The following PTPRG variants were observed in gnomAD, a reference collection of about 807,000 sequenced individuals.
PTPRG encodes the protein protein tyrosine phosphatase receptor type G.
Under a neutral mutation model 165.3 loss-of-function variants are expected in PTPRG, and 102 were observed. The ratio of observed to expected loss-of-function variants is 0.62; its 90% CI spans 0.53 to 0.73. PTPRG has a LOEUF of 0.73. Among genes scored for constraint, PTPRG ranks in the 30% least tolerant of loss-of-function variants. The pLI is 0.00. For missense variants in PTPRG, 1,866 were observed against 1,861.4 expected, an observed-to-expected ratio of 1.00 and a Z score of -0.05; for synonymous variants, 675 against 669.5, an observed-to-expected ratio of 1.01 and a Z score of -0.13.
rs1449820748 is a variant in PTPRG, at chr3:62,233,282, T to C, written c.2375+1971T>C. ...CAGATCCTGTCCTCAAGGGGCGCCA[T>C]GTCTGTGCTTCTTACGCTAGCCGCC... On this transcript the variant is annotated intron_variant, in intron 14 of 29. Transcript: ENST00000474889. This position sits in a 1 kb window ranked among gnomAD's most constrained non-coding sequence, Gnocchi z 4.7. 6.6e-6 allele frequency among the ~76,000 whole-genome samples: 1 copy of C among 152,128 alleles called. No homozygotes were observed. The highest frequency in any genetic ancestry group is 1.5e-5 in the Non-Finnish European group (1 of 68,010).
In PTPRG at chr3:62,219,954, G is replaced by A. The variant is rs1423343881; in HGVS notation, c.2288+971G>A. On this transcript the variant is annotated intron_variant, in intron 13 of 29. Coordinates refer to ENST00000474889, the MANE Select transcript of PTPRG (RefSeq NM_002841.4). This position sits in a 1 kb window ranked among gnomAD's most constrained non-coding sequence, Gnocchi z 4.5. ...ATGGAGAAAGCTTAAATCTGGAAAG[G>A]GGAGGGGCCCATGGGGGCCTAGCAG... 1.3e-5 allele frequency among the ~76,000 whole-genome samples: 2 copies of A among 152,248 alleles called. No individual in the cohort carries two copies. Among genetic ancestry groups the A allele is most frequent in the South Asian group, 2.1e-4 (1 of 4,832 alleles).
At chr3:61,661,710 A>G (rs1702673725) in intron 1 of PTPRG, among the ~76,000 whole-genome samples, 1 of 152,166 alleles carries the variant, frequency 6.6e-6, no homozygotes, top group Non-Finnish European at 1.5e-5. Flanking sequence ...GTGAGTAAAG[A>G]GGAGATATCA....
chr3:61,723,746 A>G (rs2032144713), intron 1 of PTPRG, among the ~76,000 whole-genome samples: 1 of 152,158 alleles, frequency 6.6e-6, no homozygotes, highest in Non-Finnish European at 1.5e-5. Context: ...TTGGCACAAT[A>G]TATGTTTGTA....
At chr3:62,209,653 G>A (rs1318221470) in intron 12 of PTPRG, among the ~76,000 whole-genome samples, 2 of 152,086 alleles carry the variant, frequency 1.3e-5, no homozygotes, top group African/African-American at 2.4e-5. Flanking sequence ...GCCCACCCCC[G>A]TCCTGGTCTG....
At chr3:61,882,258 C>A (rs569268434) in intron 2 of PTPRG, among the ~76,000 whole-genome samples, 1 of 152,272 alleles carries the variant, frequency 6.6e-6, no homozygotes, top group South Asian at 2.1e-4. Flanking sequence ...ATTCCAGTGA[C>A]TAGTTGGGAA....
chr3:62,263,714 G>T (rs1053428260), intron 17 of PTPRG: 1 of 152,190 alleles, frequency 6.6e-6, no homozygotes, highest in African/African-American at 2.4e-5. Flanking sequence ...TATACCATAT[G>T]AAATTTACCC....
intron 3 of PTPRG, among the ~76,000 whole-genome samples, chr3:62,002,219 A>G (rs2107720263): frequency 6.6e-6 from 1 of 152,332 alleles, no homozygotes; most frequent in Middle Eastern, 3.4e-3. Flanking sequence ...ATGGGTCATT[A>G]GCCTAGTCCC....
intron 1 of PTPRG, among the ~76,000 whole-genome samples, chr3:61,729,746 A>T (rs909817206): frequency 8.5e-5 from 13 of 152,174 alleles, no homozygotes; most frequent in African/African-American, 3.1e-4. Flanking sequence ...CTGAAATTTG[A>T]ACAGTGGTTA....
intron 3 of PTPRG, among the ~76,000 whole-genome samples, chr3:61,994,451 C>T (rs536194791): frequency 6.6e-6 from 1 of 152,284 alleles, no homozygotes; most frequent in African/African-American, 2.4e-5. Flanking sequence ...TGCCTACATT[C>T]TTCCCTATTT....
intron 2 of PTPRG, among the ~76,000 whole-genome samples, chr3:61,777,132 CAATACCT>C (rs1458123530): frequency 6.6e-6 from 1 of 152,156 alleles, no homozygotes; most frequent in Non-Finnish European, 1.5e-5. Flanking sequence ...TTCTCTTAGT[CAATACCT>C]AATAAAATTT....
intron 2 of PTPRG, among the ~76,000 whole-genome samples, chr3:61,756,428 CTTTATGT>C (rs2033636514): frequency 6.6e-6 from 1 of 152,178 alleles, no homozygotes; most frequent in Admixed American, 6.5e-5. Flanking sequence ...CTAATCAGAA[CTTTATGT>C]ACAAAGGAGA....
At chr3:61,821,231 G>T (rs1017736184) in intron 2 of PTPRG, among the ~76,000 whole-genome samples, 1 of 151,560 alleles carries the variant, frequency 6.6e-6, no homozygotes. Flanking sequence ...GTGCAGTGGC[G>T]TGATCTTGGC....
chr3:61,590,849 T>TGGC (rs1700552163), intron 1 of PTPRG, among the ~76,000 whole-genome samples: 1 of 152,200 alleles, frequency 6.6e-6, no homozygotes, highest in Non-Finnish European at 1.5e-5. Flanking sequence ...CCATATGCAG[T>TGGC]GGCTCATGCC....
rs749598706 is a variant in PTPRG, at chr3:62,228,488, T to C, written c.2289-2737T>C. On this transcript the variant is annotated intron_variant, in intron 13 of 29. Coordinates refer to ENST00000474889, the MANE Select transcript of PTPRG (RefSeq NM_002841.4). The surrounding 1 kb of genome is among the most constrained non-coding windows in gnomAD (Gnocchi z 4.1). ...GAGATCACGCCATTGCACTCCAGCC[T>C]GGGCAACAGAGCAAAACTCCATCTC... 1.4e-5 allele frequency among the ~76,000 whole-genome samples: 2 copies of C among 147,346 alleles called. No individual in the cohort carries two copies. Among genetic ancestry groups the C allele is most frequent in the Non-Finnish European group, 3.0e-5 (2 of 67,390 alleles).
At chr3:61,587,297 C>T (rs890281221) in intron 1 of PTPRG, among the ~76,000 whole-genome samples, 1 of 152,152 alleles carries the variant, frequency 6.6e-6, no homozygotes, top group African/African-American at 2.4e-5. Flanking sequence ...CAAAATTGTA[C>T]AAAGGATTTC....
intron 6 of PTPRG, among the ~76,000 whole-genome samples, chr3:62,141,060 C>T (rs1008378486): frequency 5.9e-5 from 9 of 151,980 alleles, no homozygotes; most frequent in Non-Finnish European, 8.8e-5. Context: ...ATATATTACA[C>T]ATTAATTTCC....
At chr3:61,848,528 A>G (rs2036870062) in intron 2 of PTPRG, among the ~76,000 whole-genome samples, 1 of 152,350 alleles carries the variant, frequency 6.6e-6, no homozygotes, top group Admixed American at 6.5e-5. Flanking sequence ...GTTATACTTT[A>G]GAGTATCTTA....
chr3:61,896,475 C>G (rs1559675694), intron 2 of PTPRG, among the ~76,000 whole-genome samples: 1 of 152,106 alleles, frequency 6.6e-6, no homozygotes. Context: ...TGGACTGATT[C>G]CAGTTTTTGG....
At chr3:61,867,393 A>AT (rs748445603) in intron 2 of PTPRG, among the ~76,000 whole-genome samples, 1 of 152,154 alleles carries the variant, frequency 6.6e-6, no homozygotes, top group African/African-American at 2.4e-5. Context: ...GTAAGAGGCT[A>AT]TGTGTGTGTA....
Sources: allele counts gnomAD v4.1 joint callset (sites outside exome capture counted in the v4.1 genomes callset), GRCh38; gene constraint gnomAD v4.1.1; non-coding constraint Gnocchi (gnomAD v3.1); transcripts MANE v1.5; gene names NCBI Gene and HGNC (gene_info 2026-07-23, HGNC 2026-07-21).